The following HIKESHI variants were observed in gnomAD, a reference collection of about 807,000 sequenced individuals.
HIKESHI encodes heat shock protein nuclear import factor hikeshi.
Under a neutral mutation model 25.7 loss-of-function variants are expected in HIKESHI, and 13 were observed. The ratio of observed to expected loss-of-function variants is 0.51; its 90% CI spans 0.33 to 0.80. The LOEUF (loss-of-function observed/expected upper bound fraction) is 0.80, where lower values mean the gene tolerates loss of function less well. Among genes scored for constraint, HIKESHI ranks in the 30% least tolerant of loss-of-function variants. The pLI is 0.02. For missense variants in HIKESHI, 174 were observed against 229.5 expected (o/e 0.76, Z 1.56); for synonymous variants, 76 against 78.7 (o/e 0.97, Z 0.18).
chr11:86,326,283 G>A (rs1947281795), intron 2 of HIKESHI, among the ~76,000 whole-genome samples: 1 of 152,018 alleles, frequency 6.6e-6, no homozygotes, highest in African/African-American at 2.4e-5. Flanking sequence ...GGGCGACAGA[G>A]GGAGACTCCG....
intron 2 of HIKESHI, among the ~76,000 whole-genome samples, chr11:86,311,449 C>T (rs983553500): frequency 4.6e-5 from 7 of 152,226 alleles, no homozygotes; most frequent in African/African-American, 1.7e-4. Context: ...ATTCTTCTCT[C>T]TTTTCTTCTT....
At chr11:86,313,270 T>G (rs1245319671) in intron 2 of HIKESHI, among the ~76,000 whole-genome samples, 1 of 152,200 alleles carries the variant, frequency 6.6e-6, no homozygotes, top group Non-Finnish European at 1.5e-5. Context: ...TTGCTCTAGT[T>G]GCCCAGGCTG....
At chr11:86,335,057 G>C (rs186312169) in intron 2 of HIKESHI, among the ~76,000 whole-genome samples, 61 of 152,272 alleles carry the variant, frequency 4.0e-4, no homozygotes, top group African/African-American at 1.4e-3. Context: ...TGTGGCATTT[G>C]GCTACCCTTG....
intron 2 of HIKESHI, among the ~76,000 whole-genome samples, chr11:86,336,891 C>T (rs1280813013): frequency 1.3e-5 from 2 of 151,812 alleles, no homozygotes; most frequent in Non-Finnish European, 2.9e-5. Flanking sequence ...CATCAGAGAC[C>T]CCATAGTCTT....
At chr11:86,326,456 CA>C (rs1947285244) in intron 2 of HIKESHI, 2 of 454,476 alleles carry the variant, frequency 4.4e-6, no homozygotes, top group Non-Finnish European at 8.8e-6. Flanking sequence ...AAGTAAATTA[CA>C]GAAGAAAAAT....
chr11:86,339,871 T>A (rs978882670), intron 3 of HIKESHI, among the ~76,000 whole-genome samples: 3 of 152,116 alleles, frequency 2.0e-5, no homozygotes, highest in East Asian at 1.9e-4. Context: ...CATTAGGTAT[T>A]TCTCCTAATG....
At chr11:86,303,140 A>G (rs1214033292) in intron 1 of HIKESHI, among the ~76,000 whole-genome samples, 1 of 152,220 alleles carries the variant, frequency 6.6e-6, no homozygotes, top group African/African-American at 2.4e-5. Context: ...GTAAATGAGA[A>G]CAGCACCTGG....
intron 3 of HIKESHI, among the ~76,000 whole-genome samples, chr11:86,343,141 G>C (rs1005530971): frequency 6.6e-6 from 1 of 151,856 alleles, no homozygotes; most frequent in Non-Finnish European, 1.5e-5. Flanking sequence ...TTTCTTTTCT[G>C]TCTCTTAGTA....
intron 2 of HIKESHI, among the ~76,000 whole-genome samples, chr11:86,329,574 C>CTTTTTTTTTTTTTTTTTT (rs71040232): frequency 2.1e-5 from 3 of 143,878 alleles, no homozygotes; most frequent in Non-Finnish European, 3.1e-5. Context: ...CCTGTGATTT[C>CTTTTTTTTTTTTTTTTTT]TTTTTTTTTT....
intron 2 of HIKESHI, among the ~76,000 whole-genome samples, chr11:86,329,228 T>G (rs977389630): frequency 6.6e-6 from 1 of 151,964 alleles, no homozygotes; most frequent in Non-Finnish European, 1.5e-5. Flanking sequence ...ATCTGGAGGA[T>G]TAGTCCACCC....
intron 2 of HIKESHI, among the ~76,000 whole-genome samples, chr11:86,319,294 G>T (rs1248271513): frequency 6.9e-6 from 1 of 144,198 alleles, no homozygotes; most frequent in East Asian, 2.0e-4. Flanking sequence ...CCAGAGTGCA[G>T]TAGCAAGATT....
At chr11:86,307,381 CAATA>C (rs1946663531) in intron 2 of HIKESHI, among the ~76,000 whole-genome samples, 1 of 67,836 alleles carries the variant, frequency 1.5e-5, no homozygotes, top group South Asian at 6.2e-4. Context: ...CATTATATAT[CAATA>C]TATTATGTGT....
chr11:86,331,256 G>T (rs187689533), intron 2 of HIKESHI, among the ~76,000 whole-genome samples: 228 of 152,274 alleles, frequency 1.5e-3, no homozygotes, highest in Admixed American at 2.5e-3. Context: ...TTGGGAGGCC[G>T]AGGCGGGCGC....
intron 2 of HIKESHI, chr11:86,326,508 A>T (rs771295065): frequency 2.2e-6 from 1 of 455,996 alleles, no homozygotes; most frequent in Non-Finnish European, 4.4e-6. Flanking sequence ...GTTCTCATTC[A>T]TCAGGTAATT....
Position 86,302,433 on chromosome 11 carries a change from C to A in HIKESHI, c.-16C>A, listed in dbSNP as rs1184575343. On this transcript the variant is annotated 5_prime_UTR_variant, in exon 1 of 5. Transcript: ENST00000278483. ...CGGCTTCAGGTCACTGCCGGCTGAACGGAGCTGCCGTCGCCATGTTTGGCT... is the reference window on the plus strand; with the variant it reads ...CGGCTTCAGGTCACTGCCGGCTGAAAGGAGCTGCCGTCGCCATGTTTGGCT... 1.3e-5 allele frequency: 20 copies of A among 1,552,604 alleles called. No individual in the cohort carries two copies. The highest frequency in any genetic ancestry group is 1.6e-5 in the Non-Finnish European group (18 of 1,147,716).
At chr11:86,333,557 C>CAAA (rs111979847) in intron 2 of HIKESHI, among the ~76,000 whole-genome samples, 21 of 144,602 alleles carry the variant, frequency 1.5e-4, no homozygotes, top group African/African-American at 5.3e-4. Context: ...AACAAACAAA[C>CAAA]AAAAAAAAAA....
chr11:86,335,535 C>T (rs1475615793), intron 2 of HIKESHI, among the ~76,000 whole-genome samples: 1 of 152,138 alleles, frequency 6.6e-6, no homozygotes, highest in African/African-American at 2.4e-5. Flanking sequence ...AGTCTCCGCA[C>T]AAGCAGGAAG....
intron 1 of HIKESHI, 99 bp from the exon 2 acceptor site, chr11:86,306,146 A>T: frequency 1.3e-6 from 1 of 771,444 alleles, no homozygotes; most frequent in East Asian, 2.5e-5. Flanking sequence ...TAGAAAGACT[A>T]TAATGGATTA....
In HIKESHI at chr11:86,302,335, G is replaced by T. The variant is rs919024186; in HGVS notation, c.-114G>T. Reference sequence around the variant, plus strand: ...GGCCCAGTCACTATGTAGTGGAGGGGCAGACACCCTCCCGCAAATTCTGGA... The same window carrying T: ...GGCCCAGTCACTATGTAGTGGAGGGTCAGACACCCTCCCGCAAATTCTGGA... On this transcript the variant is annotated 5_prime_UTR_variant, in exon 1 of 5. Coordinates refer to ENST00000278483, the MANE Select transcript of HIKESHI (RefSeq NM_016401.4). 86 of 1,304,872 alleles carry T rather than the reference G, an allele frequency of 6.6e-5. No individual in the cohort carries two copies. The highest frequency in any genetic ancestry group is 4.4e-5 in the Non-Finnish European group (41 of 932,200). 80.8% of individuals were successfully genotyped at this position (1,304,872 alleles called of 1,614,324 possible). A position where few individuals can be genotyped will look rare whatever the true frequency, so the allele number is the denominator to read the frequency against.
Sources: gnomAD v4.1 joint callset for allele counts (sites outside exome capture counted in the v4.1 genomes callset) on GRCh38, gnomAD v4.1.1 for gene constraint, MANE v1.5 for transcripts, NCBI Gene and HGNC (gene_info 2026-07-23, HGNC 2026-07-21) for gene names.